Variants in PCSK2 observed in about 807,000 individuals in gnomAD.
The protein encoded by PCSK2 is proprotein convertase subtilisin/kexin type 2, also known as neuroendocrine convertase 2.
A neutral mutation model predicts 69.7 loss-of-function variants in PCSK2; 14 were observed. The observed-to-expected ratio is 0.20, with a 90% CI of 0.13 to 0.31. The LOEUF is 0.31. PCSK2 is among the 10% of genes least tolerant of loss of function. The pLI, the probability that PCSK2 is intolerant of heterozygous loss-of-function variation, is 1.00. For missense variants in PCSK2, 544 were observed against 842.5 expected, an observed-to-expected ratio of 0.65 and a Z score of 4.39; for synonymous variants, 307 against 320.7, an observed-to-expected ratio of 0.96 and a Z score of 0.46.
chr20:17,278,594 T>A (rs907598824), intron 2 of PCSK2, among the ~76,000 whole-genome samples: 1 of 152,016 alleles, frequency 6.6e-6, no homozygotes. Flanking sequence ...AGGGGAGGGA[T>A]AGCATTAGGA....
In PCSK2 at chr20:17,350,220, C is replaced by T. The variant is rs137966840; in HGVS notation, c.283-8107C>T. Among the ~76,000 whole-genome samples, 479 of 149,814 alleles carry T rather than the reference C, an allele frequency of 3.2e-3. 1 individual carries two copies. The highest frequency in any genetic ancestry group is 0.011 in the African/African-American group (460 of 40,532). On this transcript the variant is annotated intron_variant, in intron 2 of 11. Transcript: ENST00000262545. Reference sequence around the variant, plus strand: ...CACATTCTGAGGTACTGGAGGTTAGCGCCTTAATATATCTTTCAGGACAGC... The same window carrying T: ...CACATTCTGAGGTACTGGAGGTTAGTGCCTTAATATATCTTTCAGGACAGC...
intron 6 of PCSK2, among the ~76,000 whole-genome samples, chr20:17,411,911 G>T (rs538036179): frequency 3.3e-5 from 5 of 152,184 alleles, no homozygotes; most frequent in African/African-American, 1.2e-4. Context: ...TCTGGAGTGG[G>T]CCTCCAACAG....
At chr20:17,358,029 G>A (rs1454110524) in intron 2 of PCSK2, among the ~76,000 whole-genome samples, 1 of 152,096 alleles carries the variant, frequency 6.6e-6, no homozygotes, top group East Asian at 1.9e-4. Flanking sequence ...TAACGGGTCA[G>A]GCACAGTGGC....
intron 2 of PCSK2, among the ~76,000 whole-genome samples, chr20:17,352,702 T>A (rs1050899418): frequency 3.3e-5 from 5 of 152,114 alleles, no homozygotes; most frequent in Non-Finnish European, 7.4e-5. Context: ...ATGAACTCAA[T>A]ATAGATTGAA....
intron 8 of PCSK2, among the ~76,000 whole-genome samples, chr20:17,448,877 A>G (rs1600588470): frequency 6.8e-6 from 1 of 146,486 alleles, no homozygotes; most frequent in African/African-American, 2.5e-5. Context: ...ACTTAATTTC[A>G]CCTAAATGCA....
At chr20:17,268,033 G>GTGTATATATATATATATATATATA (rs1555783164) in intron 2 of PCSK2, among the ~76,000 whole-genome samples, 1 of 66,340 alleles carries the variant, frequency 1.5e-5, no homozygotes, top group South Asian at 4.1e-4. Context: ...TATCCAATGT[G>GTGTATATATATATATATATATATA]TATATATATA....
At chr20:17,459,979 A>G (rs1187951713) in intron 10 of PCSK2, among the ~76,000 whole-genome samples, 1 of 152,238 alleles carries the variant, frequency 6.6e-6, no homozygotes, top group East Asian at 1.9e-4. Context: ...ACGAATCCAA[A>G]TAATAACAGA....
chr20:17,298,720 T>C (rs1988978972), intron 2 of PCSK2, among the ~76,000 whole-genome samples: 1 of 152,140 alleles, frequency 6.6e-6, no homozygotes, highest in African/African-American at 2.4e-5. Flanking sequence ...AAGTAGACTC[T>C]ATAGAAAGGA....
At chr20:17,331,818 A>T (rs1448286366) in intron 2 of PCSK2, among the ~76,000 whole-genome samples, 2 of 152,064 alleles carry the variant, frequency 1.3e-5, no homozygotes, top group African/African-American at 4.8e-5. Context: ...CTTATTTGAT[A>T]AATGGTAACT....
intron 6 of PCSK2, among the ~76,000 whole-genome samples, chr20:17,412,442 T>C: frequency 6.6e-6 from 1 of 151,876 alleles, no homozygotes; most frequent in Non-Finnish European, 1.5e-5. Flanking sequence ...TGATTGAAGA[T>C]CAAATTAATG....
intron 5 of PCSK2, among the ~76,000 whole-genome samples, chr20:17,384,507 C>G (rs1012781466): frequency 2.6e-5 from 4 of 151,390 alleles, no homozygotes; most frequent in Admixed American, 6.6e-5. Context: ...GAGGCTGAGG[C>G]AGGAGAATTG....
At chr20:17,303,492 TTTAA>T (rs1395791558) in intron 2 of PCSK2, among the ~76,000 whole-genome samples, 19 of 57,782 alleles carry the variant, frequency 3.3e-4, no homozygotes, top group African/African-American at 1.0e-3. Flanking sequence ...ATATATTATA[TTTAA>T]TATAATATAT....
intron 2 of PCSK2, among the ~76,000 whole-genome samples, chr20:17,314,082 G>A (rs1228026487): frequency 2.6e-5 from 4 of 151,814 alleles, no homozygotes. Flanking sequence ...CAAAGAGACT[G>A]CATTACCCTG....
At chr20:17,351,134 T>C (rs2029972378) in intron 2 of PCSK2, among the ~76,000 whole-genome samples, 1 of 152,082 alleles carries the variant, frequency 6.6e-6, no homozygotes, top group Non-Finnish European at 1.5e-5. Flanking sequence ...CATCTTAGCA[T>C]GGTCATAACT....
chr20:17,288,021 G>T (rs6080626), intron 2 of PCSK2, among the ~76,000 whole-genome samples: 1 of 152,318 alleles, frequency 6.6e-6, no homozygotes, highest in Non-Finnish European at 1.5e-5. Context: ...CCTCATGCAA[G>T]GTGATGAGCT....
At chr20:17,298,080 T>G (rs1172460083) in intron 2 of PCSK2, among the ~76,000 whole-genome samples, 1 of 152,220 alleles carries the variant, frequency 6.6e-6, no homozygotes, top group Non-Finnish European at 1.5e-5. Flanking sequence ...TCCATCTTTT[T>G]ATTCTTCTCA....
chr20:17,417,652 C>T (rs959375168), intron 6 of PCSK2, among the ~76,000 whole-genome samples: 7 of 152,164 alleles, frequency 4.6e-5, no homozygotes, highest in African/African-American at 1.7e-4. Flanking sequence ...ATCACCATTA[C>T]CCTGAAGATG....
chr20:17,258,583 A>G (rs1281464391), intron 1 of PCSK2, among the ~76,000 whole-genome samples: 1 of 152,206 alleles, frequency 6.6e-6, no homozygotes, highest in Non-Finnish European at 1.5e-5. Flanking sequence ...CAAAAGAAGG[A>G]AGTAGTCTAG....
chr20:17,410,673 G>A (rs770522162), intron 6 of PCSK2, among the ~76,000 whole-genome samples: 5 of 152,162 alleles, frequency 3.3e-5, no homozygotes, highest in Non-Finnish European at 5.9e-5. Flanking sequence ...GAAAACTTTT[G>A]GCATGAAGTG....
Sources: gnomAD v4.1 joint callset for allele counts (sites outside exome capture counted in the v4.1 genomes callset) on GRCh38, gnomAD v4.1.1 for gene constraint, MANE v1.5 for transcripts, NCBI Gene and HGNC (gene_info 2026-07-23, HGNC 2026-07-21) for gene names.